INO80: variants seen among roughly 807,000 people sequenced by gnomAD.
INO80 encodes chromatin-remodeling ATPase INO80.
A neutral mutation model predicts 203.4 loss-of-function variants in INO80; 20 were observed. The observed-to-expected ratio is 0.10, with a 90% confidence interval of 0.07 to 0.14. INO80 has a LOEUF of 0.14. Ranked by LOEUF, INO80 falls within the 10% of genes least tolerant of loss-of-function variation. The pLI is 1.00. For missense variants in INO80, 1,419 were observed against 1,914.4 expected (o/e 0.74, Z 4.83); for synonymous variants, 726 against 685.2 (o/e 1.06, Z -0.93).
At chr15:41,085,644 C>A in intron 6 of INO80, 61 bp from the exon 7 acceptor site, 1 of 1,334,206 alleles carries the variant, frequency 7.5e-7, no homozygotes, top group South Asian at 1.2e-5. Flanking sequence ...AAAGCAACCT[C>A]ATGACTTAAA....
chr15:41,063,915 T>C (rs754424145), intron 14 of INO80, among the ~76,000 whole-genome samples: 1 of 152,030 alleles, frequency 6.6e-6, no homozygotes, highest in Non-Finnish European at 1.5e-5. Flanking sequence ...AATACAGACT[T>C]TTAGTCAAAA....
chr15:41,082,320 T>C (rs1291684388), intron 7 of INO80, among the ~76,000 whole-genome samples: 1 of 151,286 alleles, frequency 6.6e-6, no homozygotes, highest in Non-Finnish European at 1.5e-5. Context: ...CCCCGGCACT[T>C]TGGGAGGTTG....
rs369784846 is a variant in INO80, at chr15:41,106,383, C to CAA, written c.-44+9588_-44+9589dup. On this transcript the variant is annotated intron_variant, in intron 1 of 35. Coordinates refer to ENST00000648947, the MANE Select transcript of INO80 (RefSeq NM_017553.3). ...TGGGTGACAGGGCCAGACCCTGTCT[C>CAA]AAAAAAAAAAAAAAAAAAGAGAAAG... 4.9e-3 allele frequency among the ~76,000 whole-genome samples: 411 copies of CAA among 83,788 alleles called. 14 individuals carry two copies. Among genetic ancestry groups the CAA allele is most frequent in the Non-Finnish European group, 7.6e-3 (340 of 44,530 alleles). The allele number at this position is 83,788 out of a possible 152,430, so 55.0% of individuals were successfully genotyped here.
chr15:41,049,952 C>G lies in INO80; in HGVS notation c.2425G>C (p.Val809Leu). 6.2e-7 allele frequency: 1 copy of G among 1,612,926 alleles called. No individual in the cohort carries two copies. The highest frequency in any genetic ancestry group is 8.5e-7 in the Non-Finnish European group (1 of 1,179,184). The change falls in exon 20 of 36, where the codon GTC (valine) becomes CTC (leucine). Residue 809 changes from valine (V) to leucine (L), a missense_variant. This residue lies in a region of INO80 where 192 missense variants were observed against 406.7 expected (regional missense o/e 0.47). Transcript: ENST00000648947. ...QNTTSSLMNLVMQFRKVCNHP... is the reference protein window; with the variant it reads ...QNTTSSLMNLLMQFRKVCNHP... ...GCTCTTACCTTCCTAAACTGCATGA[C>G]CAGATTCATGAGGCTGCTGGTGGTG...
intron 27 of INO80, among the ~76,000 whole-genome samples, chr15:41,008,123 C>T (rs1382152170): frequency 6.6e-6 from 1 of 151,916 alleles, no homozygotes; most frequent in Non-Finnish European, 1.5e-5. Flanking sequence ...TGCAGTGAGC[C>T]AAGATCATGC....
At chr15:41,012,953 T>C (rs529144481) in intron 27 of INO80, 1 of 152,130 alleles carries the variant, frequency 6.6e-6, no homozygotes, top group African/African-American at 2.4e-5. Context: ...CAAATAGTAA[T>C]GTCCAAAACT....
intron 7 of INO80, among the ~76,000 whole-genome samples, chr15:41,085,022 C>G (rs1596317927): frequency 6.6e-6 from 1 of 152,248 alleles, no homozygotes; most frequent in African/African-American, 2.4e-5. Flanking sequence ...CAGGTGTGAC[C>G]TGCCATGCCT....
At chr15:41,046,478 C>T (rs774796641) in intron 23 of INO80, among the ~76,000 whole-genome samples, 5 of 151,512 alleles carry the variant, frequency 3.3e-5, no homozygotes, top group Non-Finnish European at 5.9e-5. Flanking sequence ...CCACCTGCCT[C>T]GGCCTCCCAA....
rs996612839 is a variant in INO80 at position 41,076,726 on chromosome 15, A to G, written c.1132-2161T>C. Among the ~76,000 whole-genome samples the G allele has an allele frequency of 5.9e-5, 9 of 152,124 alleles. No homozygotes were observed. In the East Asian group the frequency reaches 9.6e-4, roughly 16 times the overall value. ...CACTGCACTCCAGCCTGGGTGACAG[A>G]GTAAGATATCACTTTTTTTCTAAGT... On this transcript the variant is annotated intron_variant, in intron 9 of 35. Coordinates refer to ENST00000648947, the MANE Select transcript of INO80 (RefSeq NM_017553.3).
intron 1 of INO80, among the ~76,000 whole-genome samples, chr15:41,100,303 T>C (rs539920991): frequency 3.0e-4 from 45 of 152,244 alleles, no homozygotes; most frequent in African/African-American, 1.1e-3. Context: ...CTCGATCTCC[T>C]GACCTCGTGA....
chr15:40,999,230 A>G (rs2043924651), intron 28 of INO80: 1 of 152,226 alleles, frequency 6.6e-6, no homozygotes, highest in African/African-American at 2.4e-5. Context: ...AAAAAACACC[A>G]GAAACAAACA....
chr15:41,086,544 G>A (rs961877411), intron 6 of INO80, among the ~76,000 whole-genome samples: 2 of 151,840 alleles, frequency 1.3e-5, no homozygotes, highest in African/African-American at 2.4e-5. Flanking sequence ...CCAACTACTC[G>A]GGAGGCTGAG....
chr15:41,085,900 C>T (rs1276540353), intron 6 of INO80, among the ~76,000 whole-genome samples: 1 of 152,146 alleles, frequency 6.6e-6, no homozygotes, highest in African/African-American at 2.4e-5. Flanking sequence ...CGCCCTGTCG[C>T]CCAGGTTGGA....
Position 41,056,763 on chromosome 15 carries a change from CCTA to C in INO80, c.1986-60_1986-58del. ...TAGCAATAAATTGTTCTTTAATTAT[CCTA>C]CTGAGACCCCATATTGACAAAAATG... On this transcript the variant is annotated intron_variant, in intron 16 of 35. Coordinates refer to ENST00000648947, the MANE Select transcript of INO80 (RefSeq NM_017553.3). 4 of 1,417,642 alleles carry C rather than the reference CCTA, an allele frequency of 2.8e-6. No individual in the cohort carries two copies. The Admixed American group carries it at 6.9e-5, about 24-fold the overall frequency. 87.8% of individuals were successfully genotyped at this position (1,417,642 alleles called of 1,614,324 possible).
chr15:41,084,280 C>T (rs1449429663), intron 7 of INO80, among the ~76,000 whole-genome samples: 1 of 151,758 alleles, frequency 6.6e-6, no homozygotes, highest in Non-Finnish European at 1.5e-5. Context: ...ATGTTATTGG[C>T]TGGGCGTGGT....
rs780724493 is a variant in INO80, at chr15:41,087,721, A to G, written c.538-39T>C. ...AGACCATGATGGGCCTGTTTTCTAT[A>G]GTACAGCTTTCAAATTACCTTTACT... On this transcript the variant is annotated intron_variant, in intron 5 of 35. Transcript: ENST00000648947. The G allele has an allele frequency of 2.5e-6, 4 of 1,570,832 alleles. No homozygotes were observed. The Admixed American group carries it at 7.7e-5, about 30-fold the overall frequency.
At chr15:40,983,183 T>C (rs1001576101) in intron 34 of INO80, 106 bp from the exon 35 acceptor site, 2 of 863,746 alleles carry the variant, frequency 2.3e-6, no homozygotes, top group African/African-American at 3.4e-5. Context: ...TTAGGGCATT[T>C]GTTTTAGGAC....
chr15:41,048,257 G>C lies in INO80; in HGVS notation c.2596C>G (p.Pro866Ala), dbSNP rs1486600049. ...CGTTGGATATAGTCTGGTGCAAATGGAGAAAGAACCCTTAACCACCTGCAA... is the reference window on the plus strand; with the variant it reads ...CGTTGGATATAGTCTGGTGCAAATGCAGAAAGAACCCTTAACCACCTGCAA... ...SRDRWLRVLS[P>A]FAPDYIQRSL... The change falls in exon 22 of 36, where the codon CCA (proline) becomes GCA (alanine). Residue 866 changes from proline (P) to alanine (A), a missense_variant. By Grantham distance (27) the Pro-to-Ala change is conservative. Transcript: ENST00000648947. 3.1e-6 allele frequency: 5 copies of C among 1,612,832 alleles called. No homozygotes were observed. The highest frequency in any genetic ancestry group is 1.3e-5 in the African/African-American group (1 of 74,854).
At chr15:41,004,146 G>A (rs1311373468) in intron 28 of INO80, among the ~76,000 whole-genome samples, 1 of 152,184 alleles carries the variant, frequency 6.6e-6, no homozygotes, top group African/African-American at 2.4e-5. Context: ...GCTTCCGCTA[G>A]GTGAGAAGCT....
Sources: gnomAD v4.1 joint callset for allele counts (sites outside exome capture counted in the v4.1 genomes callset) on GRCh38, gnomAD v4.1.1 for gene constraint, gnomAD v4.1.1 regional missense constraint, MANE v1.5 for transcripts, NCBI Gene and HGNC (gene_info 2026-07-23, HGNC 2026-07-21) for gene names.